Variants in SH3RF3 observed in about 807,000 individuals in gnomAD.
The protein encoded by SH3RF3 is E3 ubiquitin-protein ligase SH3RF3.
A neutral mutation model predicts 66.3 loss-of-function variants in SH3RF3; 29 were observed. That is an observed-to-expected ratio of 0.44 (90% CI 0.33 to 0.60). The LOEUF is 0.60. Among genes scored for constraint, SH3RF3 ranks in the 20% least tolerant of loss-of-function variants. The pLI is 0.04. For synonymous variants in SH3RF3, 583 were observed against 532.0 expected, an observed-to-expected ratio of 1.10 and a Z score of -1.32; for missense variants, 1,194 against 1,190.9, an observed-to-expected ratio of 1.00 and a Z score of -0.04.
In SH3RF3 at chr2:109,129,251, C is replaced by A; in HGVS notation, c.-290C>A. 1 of 581,804 alleles carries A rather than the reference C, an allele frequency of 1.7e-6. No individual in the cohort carries two copies. Among genetic ancestry groups the A allele is most frequent in the Admixed American group, 2.9e-5 (1 of 34,882 alleles). The allele number at this position is 581,804 out of a possible 1,614,324, so 36.0% of individuals were successfully genotyped here. A position where few individuals can be genotyped will look rare whatever the true frequency, so the allele number is the denominator to read the frequency against. ...GCCCGGCAGCACCCCCGGTCCCCCG[C>A]GCGGGGCGGACTTGCGGCGGGACAG... On this transcript the variant is annotated 5_prime_UTR_variant, in exon 1 of 10. Transcript: ENST00000309415.
At chr2:109,489,106 G>A (rs147791980) in intron 8 of SH3RF3, among the ~76,000 whole-genome samples, 14,922 of 152,200 alleles carry the variant, frequency 0.098, 1,192 homozygotes, top group Admixed American at 0.23. Context: ...TGGAGTTGGA[G>A]GCTGGGATCC....
chr2:109,416,888 G>A (rs1676737458), intron 4 of SH3RF3, among the ~76,000 whole-genome samples: 1 of 147,054 alleles, frequency 6.8e-6, no homozygotes. Context: ...CTGGGCGACA[G>A]AGTGAGACTT....
At chr2:109,279,359 A>G (rs1680830805) in intron 1 of SH3RF3, among the ~76,000 whole-genome samples, 1 of 152,222 alleles carries the variant, frequency 6.6e-6, no homozygotes, top group Admixed American at 6.5e-5. Context: ...CAATTAGGCT[A>G]AATCGGCAGT....
chr2:109,348,193 A>G lies in SH3RF3; in HGVS notation c.849+244A>G, dbSNP rs552265954. 5.9e-5 allele frequency among the ~76,000 whole-genome samples: 9 copies of G among 152,342 alleles called. No individual in the cohort carries two copies. The East Asian group carries it at 1.5e-3, about 26-fold the overall frequency. On this transcript the variant is annotated intron_variant, in intron 2 of 9. Transcript: ENST00000309415. ...ACACACAGCTCCAGCCCAGAGCTACATAGGAGCTTGAGATAATATAAGCCT... is the reference window on the plus strand; with the variant it reads ...ACACACAGCTCCAGCCCAGAGCTACGTAGGAGCTTGAGATAATATAAGCCT...
At chr2:109,238,006 A>G (rs144591902) in intron 1 of SH3RF3, among the ~76,000 whole-genome samples, 1,532 of 152,312 alleles carry the variant, frequency 0.01, 11 homozygotes, top group South Asian at 0.024. Flanking sequence ...AGGAGTTCAA[A>G]ATCAGCCTGG....
At chr2:109,373,952 C>T (rs1683329376) in intron 3 of SH3RF3, among the ~76,000 whole-genome samples, 1 of 151,466 alleles carries the variant, frequency 6.6e-6, no homozygotes, top group African/African-American at 2.4e-5. Flanking sequence ...AGCAGGCTCT[C>T]TGTCATCTCT....
At chr2:109,337,098 C>T (rs1309924291) in intron 1 of SH3RF3, among the ~76,000 whole-genome samples, 2 of 152,206 alleles carry the variant, frequency 1.3e-5, no homozygotes, top group Non-Finnish European at 2.9e-5. Context: ...AAATTCAGGA[C>T]TTGTAGTTTT....
At chr2:109,296,221 C>CTATTATTATTATTATTATTATTAT (rs111322381) in intron 1 of SH3RF3, among the ~76,000 whole-genome samples, 2 of 151,322 alleles carry the variant, frequency 1.3e-5, no homozygotes, top group African/African-American at 4.9e-5. Context: ...ACAGAATGAC[C>CTATTATTATTATTATTATTATTAT]TAGTATTATT....
At chr2:109,226,096 G>C (rs1476827614) in intron 1 of SH3RF3, among the ~76,000 whole-genome samples, 1 of 152,186 alleles carries the variant, frequency 6.6e-6, no homozygotes, top group Non-Finnish European at 1.5e-5. Context: ...TTTGACTCAG[G>C]CTAAATCACT....
intron 4 of SH3RF3, among the ~76,000 whole-genome samples, chr2:109,419,321 T>C (rs1676808568): frequency 6.6e-6 from 1 of 152,168 alleles, no homozygotes; most frequent in African/African-American, 2.4e-5. Flanking sequence ...CTCCCTGAGC[T>C]GCTGGGAAGG....
In SH3RF3 at chr2:109,501,902, C is replaced by G. The variant is rs1440014601; in HGVS notation, c.*231C>G. 9 of 504,058 alleles carry G rather than the reference C, an allele frequency of 1.8e-5. No homozygotes were observed. Among genetic ancestry groups the G allele is most frequent in the Non-Finnish European group, 3.2e-5 (9 of 281,312 alleles). The allele number at this position is 504,058 out of a possible 1,614,324, so 31.2% of individuals were successfully genotyped here. On this transcript the variant is annotated 3_prime_UTR_variant, in exon 10 of 10. Coordinates refer to ENST00000309415, the MANE Select transcript of SH3RF3 (RefSeq NM_001099289.3). ...TGTTCTTCAAGGAAATGCCCACCCC[C>G]TCTGTGGAAACTGCAAAGAAAGCAC...
At chr2:109,190,977 C>G (rs139711650) in intron 1 of SH3RF3, among the ~76,000 whole-genome samples, 1 of 151,272 alleles carries the variant, frequency 6.6e-6, no homozygotes, top group East Asian at 1.9e-4. Context: ...TTAATAGTTG[C>G]GTCAGGCGAG....
chr2:109,131,259 T>C (rs967834245), intron 1 of SH3RF3, among the ~76,000 whole-genome samples: 3 of 152,074 alleles, frequency 2.0e-5, no homozygotes, highest in Admixed American at 6.5e-5. Flanking sequence ...GGTTTTTTTT[T>C]CTATGGATCA....
intron 7 of SH3RF3, among the ~76,000 whole-genome samples, chr2:109,437,542 T>C (rs114655362): frequency 8.1e-4 from 123 of 152,246 alleles, no homozygotes; most frequent in African/African-American, 2.5e-3. Flanking sequence ...CCATGAATGA[T>C]TGTGGGCCGG....
intron 1 of SH3RF3, among the ~76,000 whole-genome samples, chr2:109,333,504 T>C (rs1055678299): frequency 6.6e-6 from 1 of 152,218 alleles, no homozygotes; most frequent in Non-Finnish European, 1.5e-5. Flanking sequence ...ACGTATAGCA[T>C]ACCCCACCTG....
chr2:109,197,101 C>T (rs1381464840), intron 1 of SH3RF3, among the ~76,000 whole-genome samples: 1 of 152,200 alleles, frequency 6.6e-6, no homozygotes, highest in Non-Finnish European at 1.5e-5. Context: ...CAAGGCAACA[C>T]AGCTAGTAGA....
chr2:109,159,369 A>G (rs1677430890), intron 1 of SH3RF3, among the ~76,000 whole-genome samples: 1 of 152,222 alleles, frequency 6.6e-6, no homozygotes, highest in African/African-American at 2.4e-5. Flanking sequence ...GCGAGGGTGT[A>G]TGCGTGCAGA....
chr2:109,383,923 G>C (rs567151889), intron 3 of SH3RF3, among the ~76,000 whole-genome samples: 1 of 152,308 alleles, frequency 6.6e-6, no homozygotes, highest in African/African-American at 2.4e-5. Context: ...TCCAGTGTCT[G>C]TTAGGTAGAA....
chr2:109,405,405 G>C (rs1422113386), intron 4 of SH3RF3, among the ~76,000 whole-genome samples: 1 of 152,126 alleles, frequency 6.6e-6, no homozygotes, highest in Non-Finnish European at 1.5e-5. Flanking sequence ...CCCTTGGAAG[G>C]TTCTGGGGAG....
Sources: allele counts gnomAD v4.1 joint callset (sites outside exome capture counted in the v4.1 genomes callset), GRCh38; gene constraint gnomAD v4.1.1; transcripts MANE v1.5; gene names NCBI Gene and HGNC (gene_info 2026-07-23, HGNC 2026-07-21).